Variants in CEP290 observed in about 807,000 individuals in gnomAD.
CEP290 encodes the protein centrosomal protein of 290 kDa.
In CEP290, 317 loss-of-function variants were observed where a neutral mutation model predicts 344.9. The ratio of observed to expected loss-of-function variants is 0.92; its 90% CI spans 0.84 to 1.01. The LOEUF is 1.01. Among genes scored for constraint, CEP290 ranks in the 50% least tolerant of loss-of-function variants. The pLI is 0.00. For synonymous variants in CEP290, 932 were observed against 895.8 expected (o/e 1.04, Z -0.72); for missense variants, 2,754 against 2,761.4 (o/e 1.00, Z 0.06).
At chr12:88,096,338 G>A (rs2037430508) in intron 27 of CEP290, among the ~76,000 whole-genome samples, 1 of 152,038 alleles carries the variant, frequency 6.6e-6, no homozygotes, top group African/African-American at 2.4e-5. Context: ...GTGAGCCACT[G>A]CGCCGGCCAT....
At chr12:88,133,554 A>C (rs1362792241) in intron 6 of CEP290, among the ~76,000 whole-genome samples, 1 of 152,118 alleles carries the variant, frequency 6.6e-6, no homozygotes, top group Admixed American at 6.5e-5. Context: ...AAAATGATTT[A>C]TATTCTTTTG....
chr12:88,138,901 T>C (rs947673144), intron 5 of CEP290, among the ~76,000 whole-genome samples: 1 of 152,174 alleles, frequency 6.6e-6, no homozygotes, highest in Non-Finnish European at 1.5e-5. Context: ...AATCTTTCTG[T>C]ATATTTCCCA....
intron 15 of CEP290, among the ~76,000 whole-genome samples, chr12:88,119,540 T>C (rs2039274642): frequency 6.6e-6 from 1 of 152,184 alleles, no homozygotes; most frequent in Non-Finnish European, 1.5e-5. Context: ...GGCTCATGCC[T>C]ATTATCCCAG....
In CEP290 at chr12:88,050,386, TGA is replaced by T. The variant is rs747239148; in HGVS notation, c.7175_7176del (p.Leu2392GlnfsTer25). On this transcript the variant is annotated frameshift_variant, in exon 53 of 54. Transcript: ENST00000552810. LOFTEE classifies it high-confidence loss of function. The part of the protein sequence containing the change: ...KEKIKDLETQ[L>X]KMSDLEKQHL... ...TGCTGCTTTTCTAGATCTGACATTT[TGA>T]GCTGTGTCTCTAGATCTTTTATTTT... The T allele has an allele frequency of 5.8e-6, 9 of 1,564,488 alleles. No homozygotes were observed. Among genetic ancestry groups the T allele is most frequent in the Non-Finnish European group, 7.0e-6 (8 of 1,143,738 alleles).
At chr12:88,078,005 A>G in intron 39 of CEP290, 87 bp from the exon 40 acceptor site, 1 of 566,750 alleles carries the variant, frequency 1.8e-6, no homozygotes, top group Non-Finnish European at 2.9e-6. Context: ...ATATACCATT[A>G]TAAGAAAAAT....
Position 88,131,228 on chromosome 12 carries a change from TAAAA to T in CEP290, c.442-14_442-11del, listed in dbSNP as rs199511358. ...CATTTCGAAGAGCCAACTAAAATAG[TAAAA>T]AAAAAAAATAAATAAGAAGAAGATA... On this transcript the variant is annotated splice_polypyrimidine_tract_variant and intron_variant, in intron 6 of 53. Coordinates refer to ENST00000552810, the MANE Select transcript of CEP290 (RefSeq NM_025114.4). 4.4e-6 allele frequency: 5 copies of T among 1,123,638 alleles called. No individual in the cohort carries two copies. Among genetic ancestry groups the T allele is most frequent in the Non-Finnish European group, 3.6e-6 (3 of 837,324 alleles). 69.6% of individuals were successfully genotyped at this position (1,123,638 alleles called of 1,614,324 possible).
Position 88,111,270 on chromosome 12 carries a change from C to G in CEP290, c.2299G>C (p.Asp767His). 2 of 1,548,168 alleles carry G rather than the reference C, an allele frequency of 1.3e-6. No homozygotes were observed. The highest frequency in any genetic ancestry group is 1.7e-6 in the Non-Finnish European group (2 of 1,145,196). The change falls in exon 22 of 54, where the codon GAT (aspartate) becomes CAT (histidine). Residue 767 changes from aspartate (D) to histidine (H), a missense_variant. Physicochemically the swap from Asp to His is moderately conservative, Grantham distance 81. Transcript: ENST00000552810. ...NVVFKGIDLP[D>H]GIAPSSASII... ...CTGGCACTAGATGGTGCTATCCCATCAGGTAAGTCAATTCCTTTAAAAACA... is the reference window on the plus strand; with the variant it reads ...CTGGCACTAGATGGTGCTATCCCATGAGGTAAGTCAATTCCTTTAAAAACA...
chr12:88,110,671 T>C (rs1308293561), intron 22 of CEP290, among the ~76,000 whole-genome samples: 1 of 152,108 alleles, frequency 6.6e-6, no homozygotes, highest in African/African-American at 2.4e-5. Flanking sequence ...ATAGCGCAAC[T>C]GCACTCCAGC....
intron 42 of CEP290, 68 bp from the exon 43 acceptor site, chr12:88,071,517 T>C (rs2035373427): frequency 1.5e-6 from 2 of 1,301,150 alleles, no homozygotes; most frequent in Middle Eastern, 1.9e-4. Flanking sequence ...GCATACTCAT[T>C]ACCAAACCAA....
chr12:88,109,844 A>T (rs1350230798), intron 22 of CEP290, among the ~76,000 whole-genome samples: 2 of 152,198 alleles, frequency 1.3e-5, no homozygotes, highest in East Asian at 3.8e-4. Flanking sequence ...ATTAAAAATC[A>T]TGAATTTTAT....
Position 88,068,519 on chromosome 12 carries a change from T to C in CEP290, c.6135+3A>G. 2 of 1,495,922 alleles carry C rather than the reference T, an allele frequency of 1.3e-6. No individual in the cohort carries two copies. Among genetic ancestry groups the C allele is most frequent in the Non-Finnish European group, 1.8e-6 (2 of 1,118,494 alleles). 92.7% of individuals were successfully genotyped at this position (1,495,922 alleles called of 1,614,324 possible). A position where few individuals can be genotyped will look rare whatever the true frequency, so the allele number is the denominator to read the frequency against. ...AAAAAAATAATAAAAGATATACACTTACTGAAGGCTTAGAATATGTATCCT... is the reference window on the plus strand; with the variant it reads ...AAAAAAATAATAAAAGATATACACTCACTGAAGGCTTAGAATATGTATCCT... On this transcript the variant is annotated splice_donor_region_variant and intron_variant, in intron 44 of 53. Transcript: ENST00000552810.
intron 5 of CEP290, 139 bp from the exon 6 acceptor site, chr12:88,136,925 A>G (rs2040384460): frequency 1.2e-6 from 1 of 833,726 alleles, no homozygotes; most frequent in Non-Finnish European, 1.8e-6. Context: ...TATTAGCTTA[A>G]GAACTTTTTT....
rs1042905954 is a variant in CEP290 at position 88,118,592 on chromosome 12, T to C, written c.1624-22A>G. On this transcript the variant is annotated intron_variant, in intron 16 of 53. Coordinates refer to ENST00000552810, the MANE Select transcript of CEP290 (RefSeq NM_025114.4). Reference sequence around the variant, plus strand: ...CAATCTGCAAAGTATAAATTATTAGTATTTCTCTATAGTTCAGCCAAGAAA... The same window carrying C: ...CAATCTGCAAAGTATAAATTATTAGCATTTCTCTATAGTTCAGCCAAGAAA... 4.4e-6 allele frequency: 7 copies of C among 1,609,014 alleles called. No individual in the cohort carries two copies. The African/African-American group carries it at 6.7e-5, about 15-fold the overall frequency.
At position 88,083,093 on chromosome 12, in the gene CEP290, A is replaced by G. The variant is rs1404583172; in HGVS notation, c.4950T>C (p.Asp1650=). ...LLVKLKKVSQ[D]LERQREITEL... Reference sequence around the variant, plus strand: ...CAGTGATTTCTCTTTGTCTCTCCAAATCTTGTGATACTTTCTTTAGTTTGA... The same window carrying G: ...CAGTGATTTCTCTTTGTCTCTCCAAGTCTTGTGATACTTTCTTTAGTTTGA... Residue 1650 remains aspartate, a synonymous_variant, in exon 37 of 54, where the codon GAT becomes GAC. Transcript: ENST00000552810. 6.5e-7 allele frequency: 1 copy of G among 1,534,960 alleles called. No homozygotes were observed. The highest frequency in any genetic ancestry group is 2.1e-5 in the Admixed American group (1 of 47,408).
At chr12:88,104,305 C>A (rs2137568002) in intron 25 of CEP290, 1 of 152,092 alleles carries the variant, frequency 6.6e-6, no homozygotes, top group African/African-American at 2.4e-5. Flanking sequence ...TTCCTATGAT[C>A]CTGTCCAAAT....
chr12:88,074,938 A>G (rs1207133771), intron 41 of CEP290, among the ~76,000 whole-genome samples: 1 of 152,140 alleles, frequency 6.6e-6, no homozygotes, highest in Non-Finnish European at 1.5e-5. Flanking sequence ...AATAACCTTT[A>G]TTATAAACTG....
At chr12:88,067,713 G>C (rs2035048012) in intron 44 of CEP290, among the ~76,000 whole-genome samples, 1 of 152,022 alleles carries the variant, frequency 6.6e-6, no homozygotes, top group Admixed American at 6.6e-5. Context: ...TTTTCAAAAA[G>C]GGAGTTAAAA....
chr12:88,073,450 T>C lies in CEP290; in HGVS notation c.5710-1524A>G, dbSNP rs77587064. Among the ~76,000 whole-genome samples the C allele has an allele frequency of 4.6e-3, 704 of 152,362 alleles. 10 individuals are homozygous for C. Among genetic ancestry groups the C allele is most frequent in the Admixed American group, 0.014 (213 of 15,306 alleles). ...GCCAAAGCATTTACATGTTGAAATA[T>C]GAATATTCCTTTTATGTTCCCCCTA... On this transcript the variant is annotated intron_variant, in intron 41 of 53. Transcript: ENST00000552810.
intron 43 of CEP290, among the ~76,000 whole-genome samples, chr12:88,069,598 C>T (rs2035209627): frequency 6.6e-6 from 1 of 152,022 alleles, no homozygotes; most frequent in South Asian, 2.1e-4. Flanking sequence ...TTGTGTTTTC[C>T]CTATCAAGGA....
Sources: gnomAD v4.1 joint callset for allele counts (sites outside exome capture counted in the v4.1 genomes callset) on GRCh38, gnomAD v4.1.1 for gene constraint, MANE v1.5 for transcripts, NCBI Gene and HGNC (gene_info 2026-07-23, HGNC 2026-07-21) for gene names.